The following FAP variants were observed in gnomAD, a reference collection of about 807,000 sequenced individuals.
FAP encodes the protein fibroblast activation protein alpha.
In FAP, 110 loss-of-function variants were observed where a neutral mutation model predicts 126.5. That is an observed-to-expected ratio of 0.87 (90% CI 0.74 to 1.02). The LOEUF (loss-of-function observed/expected upper bound fraction) is 1.02. Among genes scored for constraint, FAP ranks in the 50% least tolerant of loss-of-function variants. FAP has a pLI of 0.00. For synonymous variants in FAP, 334 were observed against 297.3 expected (o/e 1.12, Z -1.27); for missense variants, 919 against 909.2 (o/e 1.01, Z -0.14).
At chr2:162,217,866 C>T in intron 9 of FAP, 120 bp downstream of exon 9, 1 of 689,706 alleles carries the variant, frequency 1.4e-6, no homozygotes, top group African/African-American at 1.8e-5. Flanking sequence ...CAATGTTTGC[C>T]TTACAATGCT....
At chr2:162,224,601 G>C in intron 4 of FAP, 61 bp from the exon 5 acceptor site, 1 of 1,060,334 alleles carries the variant, frequency 9.4e-7, no homozygotes, top group Non-Finnish European at 1.4e-6. Context: ...ATGTAAATTT[G>C]TAGTTTTAAA....
Position 162,203,081 on chromosome 2 carries a change from T to G in FAP, c.1112A>C (p.Lys371Thr), listed in dbSNP as rs1324669526. ...AISYYKIFSD[K>T]DGYKHIHYIK... ...ATAGTGAATATGTTTGTAGCCATCC[T>G]TGTCACTAAATATTTTGTAGTACGA... The change falls in exon 13 of 26, where the codon AAG becomes ACG. Residue 371 changes from lysine to threonine, a missense_variant. Lys to Thr is a moderately conservative substitution (Grantham distance 78). Transcript: ENST00000188790. 1 of 1,613,712 alleles carries G rather than the reference T, an allele frequency of 6.2e-7. No homozygotes were observed. Among genetic ancestry groups the G allele is most frequent in the South Asian group, 1.1e-5 (1 of 91,046 alleles).
intron 21 of FAP, chr2:162,175,597 A>G (rs1183345903): frequency 1.3e-5 from 2 of 152,166 alleles, no homozygotes; most frequent in South Asian, 2.1e-4. Flanking sequence ...TAAAAACCTT[A>G]TATTTCTTCC....
At chr2:162,219,480 A>G (rs1689294961) in intron 7 of FAP, among the ~76,000 whole-genome samples, 1 of 152,202 alleles carries the variant, frequency 6.6e-6, no homozygotes, top group Admixed American at 6.5e-5. Flanking sequence ...CTGAATATTA[A>G]TAGCTAGCCA....
intron 11 of FAP, among the ~76,000 whole-genome samples, chr2:162,213,163 G>C (rs1454878452): frequency 6.6e-6 from 1 of 151,962 alleles, no homozygotes; most frequent in Non-Finnish European, 1.5e-5. Flanking sequence ...GGATCATGAG[G>C]TCAAGAGATT....
chr2:162,243,148 T>C (rs1195700702), intron 1 of FAP, 156 bp from the exon 2 acceptor site: 2 of 800,700 alleles, frequency 2.5e-6, no homozygotes, highest in Non-Finnish European at 4.1e-6. Context: ...TTCTTCCAGC[T>C]CTGCAAGGAC....
chr2:162,209,371 A>G lies in FAP; in HGVS notation c.1047+581T>C, dbSNP rs189990946. 2.6e-3 allele frequency among the ~76,000 whole-genome samples: 402 copies of G among 152,276 alleles called. 1 individual carries two copies. In the Middle Eastern group the frequency reaches 0.037, roughly 14 times the overall value. On this transcript the variant is annotated intron_variant, in intron 12 of 25. Coordinates refer to ENST00000188790, the MANE Select transcript of FAP (RefSeq NM_004460.5). ...TGCTATTTACCTCAAGCGTTATTTT[A>G]CATTAAAAATCCTCATAAATTATTG...
At chr2:162,197,723 T>C (rs1688308948) in intron 16 of FAP, 1 of 447,696 alleles carries the variant, frequency 2.2e-6, no homozygotes, top group South Asian at 1.6e-5. Context: ...CTTTATGAGA[T>C]CTTCAGGGCC....
chr2:162,228,623 A>G (rs1457131847), intron 2 of FAP, among the ~76,000 whole-genome samples: 1 of 152,128 alleles, frequency 6.6e-6, no homozygotes, highest in Non-Finnish European at 1.5e-5. Context: ...TATTTTTTAA[A>G]TAATTATCTT....
intron 16 of FAP, chr2:162,198,214 C>T (rs4664452): frequency 0.04 from 52,163 of 1,289,364 alleles, 6,140 homozygotes; most frequent in African/African-American, 0.33. Flanking sequence ...AAAGGTTCAT[C>T]TTCTATCCCC....
chr2:162,202,677 C>A (rs1274938508), intron 14 of FAP, among the ~76,000 whole-genome samples, 195 bp downstream of exon 14: 1 of 152,094 alleles, frequency 6.6e-6, no homozygotes, highest in African/African-American at 2.4e-5. Flanking sequence ...AAATTATCAC[C>A]TACTGAAGGC....
intron 21 of FAP, among the ~76,000 whole-genome samples, chr2:162,178,589 C>T (rs927081874): frequency 3.3e-5 from 5 of 152,116 alleles, no homozygotes; most frequent in African/African-American, 9.7e-5. Context: ...GTGGTGGGCA[C>T]ATAGTGAATA....
chr2:162,187,175 T>C (rs1442601609), intron 20 of FAP, among the ~76,000 whole-genome samples: 1 of 152,050 alleles, frequency 6.6e-6, no homozygotes, highest in Non-Finnish European at 1.5e-5. Context: ...GAGACAAAAA[T>C]ATAGAAAAGT....
intron 22 of FAP, among the ~76,000 whole-genome samples, chr2:162,174,573 T>C (rs541510638): frequency 4.6e-5 from 7 of 152,278 alleles, no homozygotes; most frequent in Admixed American, 4.6e-4. Flanking sequence ...GCTGTGTGCC[T>C]GCAAAAACAG....
intron 12 of FAP, among the ~76,000 whole-genome samples, chr2:162,207,691 A>G (rs1197801504): frequency 6.7e-6 from 1 of 150,048 alleles, no homozygotes; most frequent in African/African-American, 2.5e-5. Context: ...CTCAAAGGAG[A>G]CATATGTGCC....
At chr2:162,224,226 T>C (rs1462665292) in intron 5 of FAP, among the ~76,000 whole-genome samples, 3 of 152,194 alleles carry the variant, frequency 2.0e-5, no homozygotes, top group Non-Finnish European at 4.4e-5. Flanking sequence ...GTTAAGTATG[T>C]TTGTGCTGTT....
chr2:162,213,154 G>A (rs1007276135), intron 11 of FAP, among the ~76,000 whole-genome samples: 2 of 151,964 alleles, frequency 1.3e-5, no homozygotes, highest in Admixed American at 1.3e-4. Flanking sequence ...GAGGCGGGTG[G>A]ATCATGAGGT....
chr2:162,220,355 G>T (rs1020454260), intron 6 of FAP, among the ~76,000 whole-genome samples: 4 of 152,162 alleles, frequency 2.6e-5, no homozygotes, highest in African/African-American at 9.7e-5. Context: ...TAACCCCTGG[G>T]ATTGTAAAAT....
At chr2:162,210,140 A>G in intron 11 of FAP, 144 bp from the exon 12 acceptor site, 4 of 658,594 alleles carry the variant, frequency 6.1e-6, no homozygotes, top group Non-Finnish European at 1.0e-5. Context: ...GTTTAAAAGG[A>G]CAATATTAAA....
Sources: allele counts gnomAD v4.1 joint callset (sites outside exome capture counted in the v4.1 genomes callset), GRCh38; gene constraint gnomAD v4.1.1; transcripts MANE v1.5; gene names NCBI Gene and HGNC (gene_info 2026-07-23, HGNC 2026-07-21).